Variants in ZNF385B observed in about 807,000 individuals in gnomAD.
ZNF385B encodes the protein zinc finger protein 533.
Under a neutral mutation model 39.2 loss-of-function variants are expected in ZNF385B, and 23 were observed. The ratio of observed to expected loss-of-function variants is 0.59; its 90% confidence interval spans 0.42 to 0.83. The LOEUF is 0.83. Among genes scored for constraint, ZNF385B ranks in the 40% least tolerant of loss-of-function variants. The probability of loss-of-function intolerance (pLI) is 0.00; values close to 1 mark genes in which losing one functional copy is unlikely to be tolerated. For missense variants in ZNF385B, 552 were observed against 598.9 expected, an observed-to-expected ratio of 0.92 and a Z score of 0.82; for synonymous variants, 205 against 222.6, an observed-to-expected ratio of 0.92 and a Z score of 0.70.
intron 3 of ZNF385B, among the ~76,000 whole-genome samples, chr2:179,681,147 A>C (rs942015035): frequency 2.7e-5 from 4 of 150,166 alleles, no homozygotes; most frequent in Admixed American, 6.6e-5. Context: ...ACTGGCATTG[A>C]TATTTTCTCC....
At chr2:179,696,326 C>CTTTTTTTTTTTTTTTT (rs71029828) in intron 3 of ZNF385B, among the ~76,000 whole-genome samples, 467 of 40,360 alleles carry the variant, frequency 0.012, 180 homozygotes, top group African/African-American at 0.016. Flanking sequence ...CAAACTGGGA[C>CTTTTTTTTTTTTTTTT]TTTTTTTTTT....
chr2:179,690,710 T>C (rs1300912650), intron 3 of ZNF385B, among the ~76,000 whole-genome samples: 1 of 152,230 alleles, frequency 6.6e-6, no homozygotes, highest in Non-Finnish European at 1.5e-5. Flanking sequence ...TTCATTTTTC[T>C]ATGCCTCAGT....
At chr2:179,497,155 G>A (rs2056303982) in intron 5 of ZNF385B, among the ~76,000 whole-genome samples, 1 of 152,192 alleles carries the variant, frequency 6.6e-6, no homozygotes, top group African/African-American at 2.4e-5. Context: ...AAATGCTAAA[G>A]AGAGTATGTC....
intron 3 of ZNF385B, among the ~76,000 whole-genome samples, chr2:179,758,477 G>T (rs929521129): frequency 1.3e-5 from 2 of 152,160 alleles, no homozygotes; most frequent in Non-Finnish European, 2.9e-5. Context: ...ATTCATAATA[G>T]TGGCACCCTC....
intron 3 of ZNF385B, among the ~76,000 whole-genome samples, chr2:179,649,480 A>T (rs1693018192): frequency 6.6e-6 from 1 of 152,098 alleles, no homozygotes; most frequent in Non-Finnish European, 1.5e-5. Context: ...AGAAAAGAAA[A>T]AGCTTATTGG....
chr2:179,712,926 A>G (rs1700095606), intron 3 of ZNF385B, among the ~76,000 whole-genome samples: 1 of 152,146 alleles, frequency 6.6e-6, no homozygotes, highest in East Asian at 1.9e-4. Context: ...TTGACTTCTG[A>G]TCTTTTTCTG....
intron 1 of ZNF385B, among the ~76,000 whole-genome samples, chr2:179,857,617 C>T (rs1474981876): frequency 6.6e-6 from 1 of 152,106 alleles, no homozygotes; most frequent in Non-Finnish European, 1.5e-5. Flanking sequence ...CAAATTGTAT[C>T]AAGGAGACTT....
At chr2:179,713,268 T>C (rs1700120936) in intron 3 of ZNF385B, among the ~76,000 whole-genome samples, 3 of 152,194 alleles carry the variant, frequency 2.0e-5, no homozygotes, top group South Asian at 2.1e-4. Context: ...GATAAATGCA[T>C]TGGATGAAAT....
At chr2:179,654,170 A>G (rs956484118) in intron 3 of ZNF385B, among the ~76,000 whole-genome samples, 1 of 152,186 alleles carries the variant, frequency 6.6e-6, no homozygotes, top group Non-Finnish European at 1.5e-5. Context: ...GGGAGATCCC[A>G]TGTGAAAAGG....
At chr2:179,512,595 A>G (rs977512626) in intron 5 of ZNF385B, among the ~76,000 whole-genome samples, 3 of 152,192 alleles carry the variant, frequency 2.0e-5, no homozygotes, top group Admixed American at 1.3e-4. Flanking sequence ...AGGCTTATCA[A>G]TTTATGACCA....
At chr2:179,759,900 A>G (rs1012509479) in intron 3 of ZNF385B, among the ~76,000 whole-genome samples, 1 of 152,160 alleles carries the variant, frequency 6.6e-6, no homozygotes, top group African/African-American at 2.4e-5. Context: ...ATCTCTAATT[A>G]TGCTACTAGA....
intron 6 of ZNF385B, among the ~76,000 whole-genome samples, chr2:179,454,022 G>A (rs772566559): frequency 3.9e-5 from 6 of 152,136 alleles, no homozygotes; most frequent in Non-Finnish European, 8.8e-5. Flanking sequence ...CATGGAACAC[G>A]GAAGAAAGAG....
chr2:179,745,997 G>T (rs1702360441), intron 3 of ZNF385B: 2 of 1,170,362 alleles, frequency 1.7e-6, no homozygotes, highest in Non-Finnish European at 1.1e-6. Flanking sequence ...AGAAAGCAGA[G>T]CAATTTCAAT....
chr2:179,630,001 A>C (rs62176326), intron 3 of ZNF385B, among the ~76,000 whole-genome samples: 1 of 152,358 alleles, frequency 6.6e-6, no homozygotes, highest in African/African-American at 2.4e-5. Flanking sequence ...GTAGGTAAAC[A>C]AAGTGGCCAA....
At chr2:179,577,580 T>C (rs1157660598) in intron 3 of ZNF385B, among the ~76,000 whole-genome samples, 2 of 152,118 alleles carry the variant, frequency 1.3e-5, no homozygotes, top group Non-Finnish European at 2.9e-5. Flanking sequence ...TGCTCCTTTA[T>C]AATTATTAAT....
chr2:179,443,084 G>A lies in ZNF385B; in HGVS notation c.*166C>T, dbSNP rs970148070. The stretch of plus-strand genomic sequence containing the variant: ...ATAGGAGCAGTCTCTAAAAGCCCTC[G>A]TCAATCTAGTGATGTGTTTCTCTCT... On this transcript the variant is annotated 3_prime_UTR_variant, in exon 10 of 10. Transcript: ENST00000410066. 7.9e-6 allele frequency: 6 copies of A among 762,062 alleles called. No individual in the cohort carries two copies. Among genetic ancestry groups the A allele is most frequent in the African/African-American group, 1.7e-5 (1 of 58,066 alleles). 47.2% of individuals were successfully genotyped at this position (762,062 alleles called of 1,614,324 possible). A position where few individuals can be genotyped will look rare whatever the true frequency, so the allele number is the denominator to read the frequency against.
chr2:179,836,266 C>T (rs1008437048), intron 1 of ZNF385B, among the ~76,000 whole-genome samples: 6 of 152,200 alleles, frequency 3.9e-5, no homozygotes, highest in Non-Finnish European at 2.9e-5. Flanking sequence ...TCTTGCCTCT[C>T]TTATCCACTG....
chr2:179,542,066 G>T (rs1481490060), intron 4 of ZNF385B, among the ~76,000 whole-genome samples: 1 of 152,144 alleles, frequency 6.6e-6, no homozygotes, highest in African/African-American at 2.4e-5. Context: ...CAATAATCCA[G>T]TATACTTATT....
chr2:179,673,286 C>G (rs1242785444), intron 3 of ZNF385B, among the ~76,000 whole-genome samples: 1 of 152,162 alleles, frequency 6.6e-6, no homozygotes, highest in Non-Finnish European at 1.5e-5. Flanking sequence ...GAAGTTCCCA[C>G]AGAGAAAGCC....
Sources: allele counts gnomAD v4.1 joint callset (sites outside exome capture counted in the v4.1 genomes callset), GRCh38; gene constraint gnomAD v4.1.1; transcripts MANE v1.5; gene names NCBI Gene and HGNC (gene_info 2026-07-23, HGNC 2026-07-21).